ZC3HC1: variants seen among roughly 807,000 people sequenced by gnomAD.
ZC3HC1 encodes zinc finger C3HC-type protein 1.
ZC3HC1 carries 38 observed loss-of-function variants against 61.9 expected under a neutral mutation model. That is an observed-to-expected ratio of 0.61 (90% CI 0.47 to 0.81). The LOEUF (loss-of-function observed/expected upper bound fraction) is 0.81, where lower values mean the gene tolerates loss of function less well. Among genes scored for constraint, ZC3HC1 ranks in the 30% least tolerant of loss-of-function variants. ZC3HC1 has a pLI of 0.00. For synonymous variants in ZC3HC1, 213 were observed against 229.9 expected, an observed-to-expected ratio of 0.93 and a Z score of 0.67; for missense variants, 554 against 622.7, an observed-to-expected ratio of 0.89 and a Z score of 1.17.
intron 1 of ZC3HC1, among the ~76,000 whole-genome samples, chr7:130,049,442 C>T (rs1047319009): frequency 9.2e-5 from 14 of 152,178 alleles, no homozygotes; most frequent in African/African-American, 3.4e-4. Context: ...ATTCTCCTCA[C>T]TCACTCACTG....
intron 4 of ZC3HC1, among the ~76,000 whole-genome samples, chr7:130,038,914 G>A (rs1194447127): frequency 6.6e-6 from 1 of 150,598 alleles, no homozygotes; most frequent in Non-Finnish European, 1.5e-5. Context: ...CTACCTCCCA[G>A]GGCCCCTGTA....
Position 130,024,399 on chromosome 7 carries a change from T to C in ZC3HC1, c.884A>G (p.Asp295Gly), listed in dbSNP as rs748039139. 2 of 1,614,084 alleles carry C rather than the reference T, an allele frequency of 1.2e-6. No individual in the cohort carries two copies. Among genetic ancestry groups the C allele is most frequent in the Non-Finnish European group, 1.7e-6 (2 of 1,180,028 alleles). The change falls in exon 7 of 10, where the codon GAT (aspartate) becomes GGT (glycine). Residue 295 changes from aspartate to glycine, a missense_variant. Physicochemically the swap from Asp to Gly is moderately conservative, Grantham distance 94 (BLOSUM62 -1). Transcript: ENST00000358303. ...GGAGCTGGTCAGGCCAAAGGATGCATCCAGGTCAGTCATGGACGATTCAAT... is the reference window on the plus strand; with the variant it reads ...GGAGCTGGTCAGGCCAAAGGATGCACCCAGGTCAGTCATGGACGATTCAAT... The part of the protein sequence containing the change: ...QQIESSMTDL[D>G]ASFGLTSSPI...
At chr7:130,019,598 T>G (rs1484110630) in intron 9 of ZC3HC1, among the ~76,000 whole-genome samples, 1 of 152,106 alleles carries the variant, frequency 6.6e-6, no homozygotes, top group Non-Finnish European at 1.5e-5. Flanking sequence ...TGAAGTACTC[T>G]GAGATTCTGA....
intron 5 of ZC3HC1, among the ~76,000 whole-genome samples, chr7:130,027,953 G>A (rs1793994537): frequency 6.6e-6 from 1 of 151,278 alleles, no homozygotes. Flanking sequence ...CGGATCACGA[G>A]GTCAGGAGAT....
At chr7:130,042,375 T>G (rs1794712676) in intron 2 of ZC3HC1, among the ~76,000 whole-genome samples, 2 of 151,880 alleles carry the variant, frequency 1.3e-5, no homozygotes, top group African/African-American at 4.8e-5. Flanking sequence ...TCACTGAATC[T>G]GAAATACTAG....
chr7:130,040,460 C>T (rs1202650076), intron 3 of ZC3HC1, among the ~76,000 whole-genome samples: 1 of 134,792 alleles, frequency 7.4e-6, no homozygotes, highest in African/African-American at 3.2e-5. Context: ...CACCACTGCA[C>T]TCCATCCAGC....
chr7:130,034,313 G>A lies in ZC3HC1; in HGVS notation c.493+5151C>T, dbSNP rs180963890. On this transcript the variant is annotated intron_variant, in intron 4 of 9. Coordinates refer to ENST00000358303, the MANE Select transcript of ZC3HC1 (RefSeq NM_016478.5). ...ATCCTGGCTAACACGGTGAAACCCCGTCTCTACTAAAAATACAAAAAATTA... is the reference window on the plus strand; with the variant it reads ...ATCCTGGCTAACACGGTGAAACCCCATCTCTACTAAAAATACAAAAAATTA... Among the ~76,000 whole-genome samples, 826 of 151,014 alleles carry A rather than the reference G, an allele frequency of 5.5e-3. 7 individuals are homozygous for A. Among genetic ancestry groups the A allele is most frequent in the African/African-American group, 0.019 (765 of 41,244 alleles).
chr7:130,019,669 G>C (rs1303811112), intron 9 of ZC3HC1, among the ~76,000 whole-genome samples: 4 of 152,114 alleles, frequency 2.6e-5, no homozygotes, highest in African/African-American at 7.2e-5. Flanking sequence ...TGGTGAATCA[G>C]AACACTTGGT....
Position 130,031,250 on chromosome 7 carries a change from C to T in ZC3HC1, c.494-2221G>A, listed in dbSNP as rs183184710. The stretch of plus-strand genomic sequence containing the variant: ...AGGCTGAGGCAGAATCGCTTGAACC[C>T]GGGAGGCGGAGGTTTGGTGAGCTGA... On this transcript the variant is annotated intron_variant, in intron 4 of 9. Transcript: ENST00000358303. Among the ~76,000 whole-genome samples the T allele has an allele frequency of 4.4e-4, 63 of 144,442 alleles. No individual in the cohort carries two copies. In the East Asian group the frequency reaches 8.4e-3, roughly 19 times the overall value. 94.8% of individuals were successfully genotyped at this position (144,442 alleles called of 152,430 possible).
chr7:130,032,243 T>C (rs1794232202), intron 4 of ZC3HC1, among the ~76,000 whole-genome samples: 1 of 150,448 alleles, frequency 6.6e-6, no homozygotes, highest in African/African-American at 2.4e-5. Flanking sequence ...AAAAAGTAAG[T>C]TGATTTTGAT....
Position 130,026,252 on chromosome 7 carries a change from G to A in ZC3HC1, c.682C>T (p.Arg228Ter). ...LHLLEDELDH[R>*]TDERKTTIKL... ...ATTGTAGTTTTTCTCTCATCAGTTC[G>A]GTGATCAAGTTCATCTTCAAGCAAG... Residue 228 changes from arginine (R) to a stop codon, truncating the protein, a stop_gained, in exon 6 of 10, where the codon CGA becomes TGA. Transcript: ENST00000358303. LOFTEE classifies it high-confidence loss of function. The A allele has an allele frequency of 1.9e-6, 3 of 1,613,962 alleles. No homozygotes were observed. The highest frequency in any genetic ancestry group is 8.5e-7 in the Non-Finnish European group (1 of 1,179,960).
At chr7:130,032,725 G>GGAAGGGAA (rs1794260949) in intron 4 of ZC3HC1, among the ~76,000 whole-genome samples, 1 of 119,652 alleles carries the variant, frequency 8.4e-6, no homozygotes, top group African/African-American at 3.0e-5. Flanking sequence ...AAGGGAAGGA[G>GGAAGGGAA]GGAGGGAGGG....
chr7:130,039,215 A>C (rs919140249), intron 4 of ZC3HC1: 3 of 456,560 alleles, frequency 6.6e-6, no homozygotes, highest in Non-Finnish European at 7.8e-6. Context: ...GTGGTGGCGC[A>C]CGCCTGTAAT....
rs1793691539 is a variant in ZC3HC1, at chr7:130,022,472, G to A, written c.1287C>T (p.Cys429=). The stretch of plus-strand genomic sequence containing the variant: ...TGCCAAGTGTGATATTCACCCAAGG[G>A]CACCAGTCTCTATGCTGAGAGGTGG... ...FDPTSQHRDW[C]PWVNITLGKE... is the part of the protein sequence containing the mutation. The change falls in exon 9 of 10, where the codon TGC becomes TGT. Residue 429 remains cysteine, a synonymous_variant. Coordinates refer to ENST00000358303, the MANE Select transcript of ZC3HC1 (RefSeq NM_016478.5). 1 of 1,612,590 alleles carries A rather than the reference G, an allele frequency of 6.2e-7. No individual in the cohort carries two copies. The highest frequency in any genetic ancestry group is 8.5e-7 in the Non-Finnish European group (1 of 1,179,372).
At chr7:130,033,245 G>C (rs1034981672) in intron 4 of ZC3HC1, among the ~76,000 whole-genome samples, 2 of 152,028 alleles carry the variant, frequency 1.3e-5, no homozygotes, top group Non-Finnish European at 2.9e-5. Context: ...TATTGTCCAG[G>C]CTGGTCTTGA....
intron 2 of ZC3HC1, among the ~76,000 whole-genome samples, chr7:130,047,229 T>C (rs780125024): frequency 1.3e-5 from 2 of 152,088 alleles, no homozygotes; most frequent in Non-Finnish European, 2.9e-5. Context: ...CCAAAGTGCT[T>C]GGATTACAGG....
At chr7:130,042,977 G>A (rs1205849519) in intron 2 of ZC3HC1, among the ~76,000 whole-genome samples, 2 of 152,170 alleles carry the variant, frequency 1.3e-5, no homozygotes, top group African/African-American at 2.4e-5. Context: ...GAGCCACCTC[G>A]CCCAGCTTCA....
intron 1 of ZC3HC1, 42 bp downstream of exon 1, chr7:130,051,179 C>A: frequency 6.4e-7 from 1 of 1,566,622 alleles, no homozygotes; most frequent in African/African-American, 1.4e-5. Context: ...AAGCCTTCTT[C>A]AATCTTCCAA....
In ZC3HC1 at chr7:130,039,349, A is replaced by G. The variant is rs747657534; in HGVS notation, c.493+115T>C. On this transcript the variant is annotated intron_variant, in intron 4 of 9. Transcript: ENST00000358303. Reference sequence around the variant, plus strand: ...ACAAGAGTGAAACTCCATCTCAAAAAAAAAAAAGAAAAGGAGAAAAAGAAA... The same window carrying G: ...ACAAGAGTGAAACTCCATCTCAAAAGAAAAAAAGAAAAGGAGAAAAAGAAA... 3 of 922,512 alleles carry G rather than the reference A, an allele frequency of 3.3e-6. No individual in the cohort carries two copies. In the East Asian group the frequency reaches 7.9e-5, roughly 24 times the overall value. The allele number at this position is 922,512 out of a possible 1,614,324, so 57.1% of individuals were successfully genotyped here.
Sources: gnomAD v4.1 joint callset for allele counts (sites outside exome capture counted in the v4.1 genomes callset) on GRCh38, gnomAD v4.1.1 for gene constraint, MANE v1.5 for transcripts, NCBI Gene and HGNC (gene_info 2026-07-23, HGNC 2026-07-21) for gene names.